The following PPP2R1A variants were observed in gnomAD, a reference collection of about 807,000 sequenced individuals.
PPP2R1A encodes the protein serine/threonine-protein phosphatase 2A 65 kDa regulatory subunit A alpha isoform.
A neutral mutation model predicts 67.1 loss-of-function variants in PPP2R1A; 15 were observed. That is an observed-to-expected ratio of 0.22 (90% CI 0.15 to 0.34). The LOEUF is 0.34. Among genes scored for constraint, PPP2R1A ranks in the 10% least tolerant of loss-of-function variants. The pLI, the probability that PPP2R1A is intolerant of heterozygous loss-of-function variation, is 1.00. For synonymous variants in PPP2R1A, 337 were observed against 325.0 expected (o/e 1.04, Z -0.40); for missense variants, 369 against 775.0 (o/e 0.48, Z 6.22).
intron 2 of PPP2R1A, among the ~76,000 whole-genome samples, chr19:52,203,450 C>G (rs1439587762): frequency 6.6e-6 from 1 of 152,152 alleles, no homozygotes; most frequent in African/African-American, 2.4e-5. Flanking sequence ...GCAGCTCTGC[C>G]ACTGACTTGC....
chr19:52,218,230 T>G (rs1978700901), intron 9 of PPP2R1A, among the ~76,000 whole-genome samples: 1 of 152,100 alleles, frequency 6.6e-6, no homozygotes, highest in Non-Finnish European at 1.5e-5. Flanking sequence ...CCCCATCCCC[T>G]TCTTTCTTTT....
rs1245921687 is a variant in PPP2R1A, at chr19:52,229,255, C to G, written c.*3274C>G. ...GCCGGGAGTTCGAGACCATCCTGAC[C>G]AATTCAGTGAAACCCTGTCTTTACT... On this transcript the variant is annotated 3_prime_UTR_variant, in exon 15 of 15. Transcript: ENST00000322088. The G allele has an allele frequency of 6.6e-6, 1 of 152,230 alleles. No individual in the cohort carries two copies. The highest frequency in any genetic ancestry group is 1.5e-5 in the Non-Finnish European group (1 of 68,186). The allele number at this position is 152,230 out of a possible 1,614,324, so 9.4% of individuals were successfully genotyped here.
At chr19:52,217,641 A>T (rs759576314) in intron 9 of PPP2R1A, among the ~76,000 whole-genome samples, 1 of 152,156 alleles carries the variant, frequency 6.6e-6, no homozygotes, top group East Asian at 1.9e-4. Context: ...GTGCTCTAAT[A>T]TAGACCCCAG....
At chr19:52,206,837 C>T (rs2122314991) in intron 3 of PPP2R1A, among the ~76,000 whole-genome samples, 1 of 152,254 alleles carries the variant, frequency 6.6e-6, no homozygotes, top group African/African-American at 2.4e-5. Context: ...TCTCAGAGTG[C>T]TGGGCCACTG....
Position 52,222,148 on chromosome 19 carries a change from C to T in PPP2R1A, c.1568C>T (p.Pro523Leu), listed in dbSNP as rs1457867949. 6.2e-7 allele frequency: 1 copy of T among 1,614,042 alleles called. No individual in the cohort carries two copies. The highest frequency in any genetic ancestry group is 8.5e-7 in the Non-Finnish European group (1 of 1,180,034). The change falls in exon 13 of 15, where the codon CCC (proline) becomes CTC (leucine). Residue 523 changes from proline to leucine, a missense_variant. Around this residue, in one of 2 missense-constraint regions of PPP2R1A, gnomAD observed 276 missense variants for 508.4 expected, o/e 0.54. Coordinates refer to ENST00000322088, the MANE Select transcript of PPP2R1A (RefSeq NM_014225.6). ...GQDITTKHML[P>L]TVLRMAGDPV... is the part of the protein sequence containing the mutation. ...GACATCACCACCAAGCACATGCTACCCACGGTTCTGCGCATGGCTGGGGAC... is the reference window on the plus strand; with the variant it reads ...GACATCACCACCAAGCACATGCTACTCACGGTTCTGCGCATGGCTGGGGAC...
rs1978771437 is a variant in PPP2R1A, at chr19:52,219,256, T to C, written c.1129-435T>C. 6.6e-6 allele frequency among the ~76,000 whole-genome samples: 1 copy of C among 152,218 alleles called. No individual in the cohort carries two copies. Among genetic ancestry groups the C allele is most frequent in the African/African-American group, 2.4e-5 (1 of 41,448 alleles). On this transcript the variant is annotated intron_variant, in intron 9 of 14. Coordinates refer to ENST00000322088, the MANE Select transcript of PPP2R1A (RefSeq NM_014225.6). The surrounding 1 kb of genome is among the most constrained non-coding windows in gnomAD (Gnocchi z 4.0). ...GTTATTGATTCATTTCAGTGCTCCT[T>C]TATTTATTTATTTTTTTAGACTAAA...
rs1407860781 is a variant in PPP2R1A at position 52,190,150 on chromosome 19, C to T, written c.54C>T (p.Asp18=). The T allele has an allele frequency of 6.4e-7, 1 of 1,550,908 alleles. No homozygotes were observed. Among genetic ancestry groups the T allele is most frequent in the Admixed American group, 2.0e-5 (1 of 50,996 alleles). ...DSLYPIAVLI[D]ELRNEDVQLR... Reference sequence around the variant, plus strand: ...TGTACCCCATCGCGGTGCTCATAGACGAACTCCGCAATGAGGACGTTCAGG... The same window carrying T: ...TGTACCCCATCGCGGTGCTCATAGATGAACTCCGCAATGAGGACGTTCAGG... Residue 18 remains aspartate (D), a synonymous_variant, in exon 1 of 15, where the codon GAC becomes GAT. Transcript: ENST00000322088.
intron 2 of PPP2R1A, among the ~76,000 whole-genome samples, chr19:52,205,526 C>A (rs1202084082): frequency 1.3e-5 from 2 of 152,106 alleles, no homozygotes; most frequent in African/African-American, 4.8e-5. Flanking sequence ...AACTGAATCT[C>A]CAAGGATAAA....
Position 52,213,692 on chromosome 19 carries a change from G to T in PPP2R1A, c.807+582G>T, listed in dbSNP as rs1201355822. On this transcript the variant is annotated intron_variant, in intron 6 of 14. Coordinates refer to ENST00000322088, the MANE Select transcript of PPP2R1A (RefSeq NM_014225.6). This position sits in a 1 kb window ranked among gnomAD's most constrained non-coding sequence, Gnocchi z 4.2. Reference sequence around the variant, plus strand: ...GAGACGGGGTTTCACCATGTTGTTAGCCAGGCTAGTCTCGAACTCCTGACC... The same window carrying T: ...GAGACGGGGTTTCACCATGTTGTTATCCAGGCTAGTCTCGAACTCCTGACC... Among the ~76,000 whole-genome samples, 1 of 151,710 alleles carries T rather than the reference G, an allele frequency of 6.6e-6. No individual in the cohort carries two copies. The highest frequency in any genetic ancestry group is 1.5e-5 in the Non-Finnish European group (1 of 67,930).
At position 52,211,143 on chromosome 19, in the gene PPP2R1A, T is replaced by G; in HGVS notation, c.271-117T>G. On this transcript the variant is annotated intron_variant, in intron 3 of 14. Transcript: ENST00000322088. This position sits in a 1 kb window ranked among gnomAD's most constrained non-coding sequence, Gnocchi z 5.3. ...AAGGCTATTTTAATGAAGGTCGGGA[T>G]GGGTAATAGGGAAGTTTTCTCTGAG... 1 of 874,022 alleles carries G rather than the reference T, an allele frequency of 1.1e-6. No homozygotes were observed. Among genetic ancestry groups the G allele is most frequent in the Non-Finnish European group, 1.7e-6 (1 of 572,882 alleles). 54.1% of individuals were successfully genotyped at this position (874,022 alleles called of 1,614,324 possible).
At position 52,213,377 on chromosome 19, in the gene PPP2R1A, C is replaced by A. The variant is rs372702921; in HGVS notation, c.807+267C>A. Among the ~76,000 whole-genome samples the A allele has an allele frequency of 1.4e-3, 211 of 150,212 alleles. No homozygotes were observed. The highest frequency in any genetic ancestry group is 2.5e-3 in the Non-Finnish European group (169 of 67,912). The stretch of plus-strand genomic sequence containing the variant: ...GTGCCACAGGAGCAGAGAAGGGTAG[C>A]ACATGTGGGGTGTTCCTGACATAAT... On this transcript the variant is annotated intron_variant, in intron 6 of 14. Transcript: ENST00000322088. This position sits in a 1 kb window ranked among gnomAD's most constrained non-coding sequence, Gnocchi z 4.2.
intron 2 of PPP2R1A, among the ~76,000 whole-genome samples, chr19:52,202,743 C>G (rs569215994): frequency 4.6e-5 from 7 of 152,336 alleles, no homozygotes; most frequent in African/African-American, 1.2e-4. Context: ...CTACCACTTT[C>G]TAGGTGTGTG....
intron 1 of PPP2R1A, among the ~76,000 whole-genome samples, chr19:52,199,742 C>A (rs1312771485): frequency 1.3e-5 from 2 of 152,208 alleles, no homozygotes; most frequent in Non-Finnish European, 2.9e-5. Context: ...TGACTTCTAG[C>A]ATAGTGCAGT....
At chr19:52,206,582 C>T (rs1390028584) in intron 3 of PPP2R1A, among the ~76,000 whole-genome samples, 1 of 152,108 alleles carries the variant, frequency 6.6e-6, no homozygotes, top group Non-Finnish European at 1.5e-5. Context: ...GGTGAGCCAC[C>T]TGGAGCACTG....
Position 52,216,749 on chromosome 19 carries a change from G to A in PPP2R1A, c.1128+86G>A, listed in dbSNP as rs1327667204. The A allele has an allele frequency of 2.5e-6, 4 of 1,576,794 alleles. No homozygotes were observed. The highest frequency in any genetic ancestry group is 1.7e-4 in the Middle Eastern group (1 of 5,944). On this transcript the variant is annotated intron_variant, in intron 9 of 14. Coordinates refer to ENST00000322088, the MANE Select transcript of PPP2R1A (RefSeq NM_014225.6). This position sits in a 1 kb window ranked among gnomAD's most constrained non-coding sequence, Gnocchi z 4.3. Reference sequence around the variant, plus strand: ...TGCTAGGGTTTACCTAGATTGACCAGGAATCTGCTGATATCTCAACAGACA... The same window carrying A: ...TGCTAGGGTTTACCTAGATTGACCAAGAATCTGCTGATATCTCAACAGACA...
intron 13 of PPP2R1A, 33 bp from the exon 14 acceptor site, chr19:52,225,684 C>T: frequency 6.2e-7 from 1 of 1,600,676 alleles, no homozygotes; most frequent in Non-Finnish European, 8.6e-7. Flanking sequence ...TCCTGGCTCA[C>T]CCTCTCTCTC....
Position 52,212,833 on chromosome 19 carries a change from G to A in PPP2R1A, c.651G>A (p.Gln217=), listed in dbSNP as rs927429254. ...PMFSNLASDE[Q]DSVRLLAVEA... is the part of the protein sequence containing the mutation. ...TCTCCAACCTGGCCTCTGACGAGCA[G>A]GTGAGTTTTGCTTCCTGGCCCTCTG... is the stretch of plus-strand genomic sequence containing the variant. The change falls in exon 5 of 15, where the codon CAG becomes CAA. Residue 217 remains glutamine, a splice_region_variant and synonymous_variant. Coordinates refer to ENST00000322088, the MANE Select transcript of PPP2R1A (RefSeq NM_014225.6). This position sits in a 1 kb window ranked among gnomAD's most constrained non-coding sequence, Gnocchi z 4.1. The A allele has an allele frequency of 1.9e-6, 3 of 1,596,090 alleles. No homozygotes were observed. In the Admixed American group the frequency reaches 5.1e-5, roughly 27 times the overall value.
At chr19:52,206,405 T>C (rs145507304) in intron 3 of PPP2R1A, among the ~76,000 whole-genome samples, 169 of 152,334 alleles carry the variant, frequency 1.1e-3, no homozygotes, top group African/African-American at 3.9e-3. Context: ...TGCTGTACCT[T>C]TCTCATCTGC....
In PPP2R1A at chr19:52,215,786, A is replaced by G; in HGVS notation, c.815A>G (p.Lys272Arg). The change falls in exon 7 of 15, where the codon AAA becomes AGA. Residue 272 changes from lysine to arginine, a missense_variant. By Grantham distance (26) the Lys-to-Arg change is conservative. Transcript: ENST00000322088. The stretch of plus-strand genomic sequence containing the variant: ...CCTCCTTCCTGTCTGCAGCTCCAGA[A>G]AGCAGTGGGGCCTGAGATCACCAAG... ...MVADKFTELQ[K>R]AVGPEITKTD... 1 of 1,613,874 alleles carries G rather than the reference A, an allele frequency of 6.2e-7. No homozygotes were observed. The highest frequency in any genetic ancestry group is 1.1e-5 in the South Asian group (1 of 91,080).
Sources: allele counts gnomAD v4.1 joint callset (sites outside exome capture counted in the v4.1 genomes callset), GRCh38; gene constraint gnomAD v4.1.1; regional missense constraint gnomAD v4.1.1; non-coding constraint Gnocchi (gnomAD v3.1); transcripts MANE v1.5; gene names NCBI Gene and HGNC (gene_info 2026-07-23, HGNC 2026-07-21).